Variants in NFATC4 observed in about 807,000 individuals in gnomAD.
NFATC4 encodes nuclear factor of activated T-cells, cytoplasmic 4.
A neutral mutation model predicts 73.4 loss-of-function variants in NFATC4; 25 were observed. The ratio of observed to expected loss-of-function variants is 0.34; its 90% CI spans 0.25 to 0.48. The LOEUF (loss-of-function observed/expected upper bound fraction) is 0.48. Among genes scored for constraint, NFATC4 ranks in the 20% least tolerant of loss-of-function variants. The pLI, the probability that NFATC4 is intolerant of heterozygous loss-of-function variation, is 0.99. For synonymous variants in NFATC4, 523 were observed against 510.3 expected, an observed-to-expected ratio of 1.02 and a Z score of -0.34; for missense variants, 1,130 against 1,203.7, an observed-to-expected ratio of 0.94 and a Z score of 0.91.
chr14:24,375,266 C>T (rs2042580953), intron 6 of NFATC4, among the ~76,000 whole-genome samples: 1 of 152,136 alleles, frequency 6.6e-6, no homozygotes, highest in Non-Finnish European at 1.5e-5. Flanking sequence ...TCCAGAGGTT[C>T]TAGGTCATGA....
chr14:24,368,926 T>A, intron 1 of NFATC4: 3 of 499,850 alleles, frequency 6.0e-6, no homozygotes, highest in Non-Finnish European at 7.9e-6. Context: ...CGGCCGCCGC[T>A]CGCACGAATC....
intron 2 of NFATC4, among the ~76,000 whole-genome samples, chr14:24,371,539 C>T (rs542565019): frequency 6.6e-6 from 1 of 152,174 alleles, no homozygotes; most frequent in African/African-American, 2.4e-5. Context: ...TATCAGGGAG[C>T]ACAATACAGG....
At position 24,377,521 on chromosome 14, in the gene NFATC4, AG is replaced by A. The variant is rs1250949324; in HGVS notation, c.2642-115del. On this transcript the variant is annotated intron_variant, in intron 9 of 9. Coordinates refer to ENST00000250373, the MANE Select transcript of NFATC4 (RefSeq NM_004554.5). The surrounding 1 kb of genome is among the most constrained non-coding windows in gnomAD (Gnocchi z 4.2). ...GGCCCAGTGGAATAGAAGCCAGTAG[AG>A]GAGGAATCTAGAGGCCTCCTAGATT... 6.5e-7 allele frequency: 1 copy of A among 1,536,130 alleles called. No individual in the cohort carries two copies. Among genetic ancestry groups the A allele is most frequent in the Non-Finnish European group, 8.7e-7 (1 of 1,142,990 alleles).
upstream of NFATC4, chr14:24,367,297 GC>G: frequency 1.3e-6 from 2 of 1,562,170 alleles, no homozygotes; most frequent in Non-Finnish European, 1.7e-6. Flanking sequence ...GAGGTTTCAG[GC>G]CCCTAGTAAA....
chr14:24,377,565 G>A lies in NFATC4; in HGVS notation c.2642-73G>A. 2 of 1,610,954 alleles carry A rather than the reference G, an allele frequency of 1.2e-6. No individual in the cohort carries two copies. Among genetic ancestry groups the A allele is most frequent in the Non-Finnish European group, 1.7e-6 (2 of 1,178,160 alleles). On this transcript the variant is annotated intron_variant, in intron 9 of 9. Coordinates refer to ENST00000250373, the MANE Select transcript of NFATC4 (RefSeq NM_004554.5). This position sits in a 1 kb window ranked among gnomAD's most constrained non-coding sequence, Gnocchi z 4.2. ...CCTAGATTAAGACCTGCCTGGAATG[G>A]ATTGGGGGTGGGTCTTTGGAAAAGG...
chr14:24,372,385 C>A (rs112731647), intron 2 of NFATC4, 56 bp from the exon 3 acceptor site: 15 of 1,577,488 alleles, frequency 9.5e-6, no homozygotes, highest in Non-Finnish European at 1.3e-5. Flanking sequence ...AGATCCAGTA[C>A]GGGCCTGACT....
intron 3 of NFATC4, chr14:24,372,958 C>T (rs556663478): frequency 1.7e-4 from 104 of 617,550 alleles, no homozygotes; most frequent in Middle Eastern, 8.8e-4. Context: ...TCTGCCTTTG[C>T]CCAGCCCACT....
At position 24,376,524 on chromosome 14, in the gene NFATC4, C is replaced by T. The variant is rs761337015; in HGVS notation, c.2287C>T (p.Arg763Trp). Residue 763 changes from arginine (R) to tryptophan (W), a missense_variant, in exon 9 of 10, where the codon CGG (arginine) becomes TGG (tryptophan). Physicochemically the swap from Arg to Trp is moderately radical, Grantham distance 101 (BLOSUM62 -3). This residue lies in a region of NFATC4 where 390 missense variants were observed against 408.1 expected (regional missense o/e 0.96). Transcript: ENST00000250373. The surrounding 1 kb of genome is among the most constrained non-coding windows in gnomAD (Gnocchi z 5.0). The part of the protein sequence containing the change: ...GPPPSYRPGL[R>W]MFPETRGTTG... ...CCCACCATCCTACAGACCGGGCCTG[C>T]GGATGTTCCCTGAGACTAGGGGTAC... The T allele has an allele frequency of 1.2e-6, 2 of 1,613,968 alleles. No homozygotes were observed. Among genetic ancestry groups the T allele is most frequent in the Non-Finnish European group, 1.7e-6 (2 of 1,179,958 alleles).
At position 24,377,565 on chromosome 14, in the gene NFATC4, G is replaced by C; in HGVS notation, c.2642-73G>C. 6.2e-7 allele frequency: 1 copy of C among 1,610,954 alleles called. No individual in the cohort carries two copies. The highest frequency in any genetic ancestry group is 1.1e-5 in the South Asian group (1 of 90,870). ...CCTAGATTAAGACCTGCCTGGAATGGATTGGGGGTGGGTCTTTGGAAAAGG... is the reference window on the plus strand; with the variant it reads ...CCTAGATTAAGACCTGCCTGGAATGCATTGGGGGTGGGTCTTTGGAAAAGG... On this transcript the variant is annotated intron_variant, in intron 9 of 9. Coordinates refer to ENST00000250373, the MANE Select transcript of NFATC4 (RefSeq NM_004554.5). This position sits in a 1 kb window ranked among gnomAD's most constrained non-coding sequence, Gnocchi z 4.2.
rs765805909 is a variant in NFATC4 at position 24,370,569 on chromosome 14, A to G, written c.1171A>G (p.Ile391Val). 5.0e-6 allele frequency: 8 copies of G among 1,611,088 alleles called. No individual in the cohort carries two copies. The highest frequency in any genetic ancestry group is 6.8e-6 in the Non-Finnish European group (8 of 1,177,700). Residue 391 changes from isoleucine to valine, a missense_variant, in exon 2 of 10, where the codon ATT becomes GTT. Ile to Val is a conservative substitution (Grantham distance 29). Transcript: ENST00000250373. ...PSPLAWSKAR[I>V]GGHSPIFRTS... The stretch of plus-strand genomic sequence containing the variant: ...CCCACTCGCTTGGTCCAAGGCCCGG[A>G]TTGGGGGACACAGCCCTATCTTCAG...
rs1428079125 is a variant in NFATC4 at position 24,378,900 on chromosome 14, A to T, written c.*1195A>T. 6.6e-6 allele frequency: 1 copy of T among 152,320 alleles called. No homozygotes were observed. Among genetic ancestry groups the T allele is most frequent in the African/African-American group, 2.4e-5 (1 of 41,448 alleles). The allele number at this position is 152,320 out of a possible 1,614,324, so 9.4% of individuals were successfully genotyped here. On this transcript the variant is annotated 3_prime_UTR_variant, in exon 10 of 10. Coordinates refer to ENST00000250373, the MANE Select transcript of NFATC4 (RefSeq NM_004554.5). ...AGAGGCCAAGTTCCACTGGGCTGGG[A>T]AAAGTCACTTTGTCTGTCTTGTTCA... is the stretch of plus-strand genomic sequence containing the variant.
chr14:24,368,105 T>A, upstream of NFATC4: 5 of 1,169,986 alleles, frequency 4.3e-6, no homozygotes, highest in Non-Finnish European at 5.2e-6. Flanking sequence ...GGCTGGAGCA[T>A]CCCCGGCAGC....
At position 24,376,120 on chromosome 14, in the gene NFATC4, C is replaced by T. The variant is rs1388946188; in HGVS notation, c.2056+19C>T. 1 of 1,613,844 alleles carries T rather than the reference C, an allele frequency of 6.2e-7. No homozygotes were observed. Among genetic ancestry groups the T allele is most frequent in the Admixed American group, 1.7e-5 (1 of 59,986 alleles). On this transcript the variant is annotated intron_variant, in intron 8 of 9. Coordinates refer to ENST00000250373, the MANE Select transcript of NFATC4 (RefSeq NM_004554.5). The surrounding 1 kb of genome is among the most constrained non-coding windows in gnomAD (Gnocchi z 5.0). ...CTGCCTGGTGCGCTCTGGGACAGCC[C>T]ATGGTGGGGGTATAGGGATATGGGG...
chr14:24,368,793 G>A (rs1377175667), intron 1 of NFATC4, among the ~76,000 whole-genome samples: 4 of 152,184 alleles, frequency 2.6e-5, no homozygotes, highest in East Asian at 3.9e-4. Flanking sequence ...GGCGGACCGA[G>A]CTCTGGCCCG....
chr14:24,370,563 G>T lies in NFATC4; in HGVS notation c.1165G>T (p.Ala389Ser). The change falls in exon 2 of 10, where the codon GCC becomes TCC. Residue 389 changes from alanine (A) to serine (S), a missense_variant. Around this residue, in one of 3 missense-constraint regions of NFATC4, gnomAD observed 585 missense variants for 574.3 expected, o/e 1.02. Coordinates refer to ENST00000250373, the MANE Select transcript of NFATC4 (RefSeq NM_004554.5). The part of the protein sequence containing the change: ...AVPSPLAWSK[A>S]RIGGHSPIFR... ...GCCCTCCCCACTCGCTTGGTCCAAG[G>T]CCCGGATTGGGGGACACAGCCCTAT... 1 of 1,612,108 alleles carries T rather than the reference G, an allele frequency of 6.2e-7. No homozygotes were observed. Among genetic ancestry groups the T allele is most frequent in the Non-Finnish European group, 8.5e-7 (1 of 1,178,346 alleles).
At position 24,377,402 on chromosome 14, in the gene NFATC4, G is replaced by A; in HGVS notation, c.2642-236G>A. On this transcript the variant is annotated intron_variant, in intron 9 of 9. Coordinates refer to ENST00000250373, the MANE Select transcript of NFATC4 (RefSeq NM_004554.5). The surrounding 1 kb of genome is among the most constrained non-coding windows in gnomAD (Gnocchi z 4.2). ...CCTGACATTTCAGGCTAAGCCAGCA[G>A]GAAAGGGCTAGGACGGGTGCCTGGG... 1 of 1,380,998 alleles carries A rather than the reference G, an allele frequency of 7.2e-7. No individual in the cohort carries two copies. The highest frequency in any genetic ancestry group is 9.4e-7 in the Non-Finnish European group (1 of 1,069,008). 85.5% of individuals were successfully genotyped at this position (1,380,998 alleles called of 1,614,324 possible).
Position 24,373,240 on chromosome 14 carries a change from C to T in NFATC4, c.1429C>T (p.Arg477Trp), listed in dbSNP as rs763157014. Reference protein sequence around the residue: ...FIGTADERNLRPHAFYQVHRI... With the variant: ...FIGTADERNLWPHAFYQVHRI... Reference sequence around the variant, plus strand: ...CGGCACTGCAGATGAAAGGAACCTGCGGCCTCATGCCTTCTATCAGGTGCA... The same window carrying T: ...CGGCACTGCAGATGAAAGGAACCTGTGGCCTCATGCCTTCTATCAGGTGCA... The change falls in exon 4 of 10, where the codon CGG (arginine) becomes TGG (tryptophan). Residue 477 changes from arginine (R) to tryptophan (W), a missense_variant. Physicochemically the swap from Arg to Trp is moderately radical, Grantham distance 101. This residue lies in a region of NFATC4 where 155 missense variants were observed against 221.2 expected (regional missense o/e 0.70). Transcript: ENST00000250373. The surrounding 1 kb of genome is among the most constrained non-coding windows in gnomAD (Gnocchi z 4.7). 5 of 1,614,194 alleles carry T rather than the reference C, an allele frequency of 3.1e-6. No individual in the cohort carries two copies. The highest frequency in any genetic ancestry group is 2.2e-5 in the East Asian group (1 of 44,882).
rs1268244046 is a variant in NFATC4 at position 24,370,560 on chromosome 14, A to G, written c.1162A>G (p.Lys388Glu). The part of the protein sequence containing the change: ...LAVPSPLAWS[K>E]ARIGGHSPIF... The stretch of plus-strand genomic sequence containing the variant: ...AGTGCCCTCCCCACTCGCTTGGTCC[A>G]AGGCCCGGATTGGGGGACACAGCCC... Residue 388 changes from lysine (K) to glutamate (E), a missense_variant, in exon 2 of 10, where the codon AAG becomes GAG. Physicochemically the swap from Lys to Glu is moderately conservative, Grantham distance 56. This residue lies in a region of NFATC4 where 585 missense variants were observed against 574.3 expected (regional missense o/e 1.02). Coordinates refer to ENST00000250373, the MANE Select transcript of NFATC4 (RefSeq NM_004554.5). 6.2e-7 allele frequency: 1 copy of G among 1,612,500 alleles called. No homozygotes were observed. Among genetic ancestry groups the G allele is most frequent in the South Asian group, 1.1e-5 (1 of 91,046 alleles).
In NFATC4 at chr14:24,377,979, G is replaced by A. The variant is rs192669667; in HGVS notation, c.*274G>A. 185 of 588,950 alleles carry A rather than the reference G, an allele frequency of 3.1e-4. No homozygotes were observed. The highest frequency in any genetic ancestry group is 3.0e-3 in the African/African-American group (160 of 53,768). 36.5% of individuals were successfully genotyped at this position (588,950 alleles called of 1,614,324 possible). On this transcript the variant is annotated 3_prime_UTR_variant, in exon 10 of 10. Transcript: ENST00000250373. This position sits in a 1 kb window ranked among gnomAD's most constrained non-coding sequence, Gnocchi z 4.2. ...TGCCAGAATGGACTGGAGTGAAGGC[G>A]TGTCTAGAGTGTGGGCTGGCTGTTG...
Sources: gnomAD v4.1 joint callset for allele counts (sites outside exome capture counted in the v4.1 genomes callset) on GRCh38, gnomAD v4.1.1 for gene constraint, gnomAD v4.1.1 regional missense constraint, Gnocchi (gnomAD v3.1) non-coding constraint, MANE v1.5 for transcripts, NCBI Gene and HGNC (gene_info 2026-07-23, HGNC 2026-07-21) for gene names.